The following KIAA1217 variants were observed in gnomAD, a reference collection of about 807,000 sequenced individuals.
KIAA1217 encodes the protein KIAA1217, also known as sickle tail protein homolog.
KIAA1217 carries 88 observed loss-of-function variants against 163.9 expected under a neutral mutation model. That is an observed-to-expected ratio of 0.54 (90% CI 0.45 to 0.64). KIAA1217 has a LOEUF of 0.64. KIAA1217 is among the 30% of genes least tolerant of loss of function. The probability of loss-of-function intolerance (pLI) is 0.00; values close to 1 mark genes in which losing one functional copy is unlikely to be tolerated. For synonymous variants in KIAA1217, 903 were observed against 923.1 expected, an observed-to-expected ratio of 0.98 and a Z score of 0.39; for missense variants, 2,372 against 2,475.0, an observed-to-expected ratio of 0.96 and a Z score of 0.88.
At chr10:24,042,696 T>A (rs540716754) in intron 2 of KIAA1217, among the ~76,000 whole-genome samples, 2 of 152,342 alleles carry the variant, frequency 1.3e-5, no homozygotes, top group Admixed American at 1.3e-4. Flanking sequence ...GATAGAACTT[T>A]CTGTCATTAA....
chr10:23,853,991 G>A (rs1306891509), intron 1 of KIAA1217, among the ~76,000 whole-genome samples: 2 of 151,896 alleles, frequency 1.3e-5, no homozygotes, highest in East Asian at 3.9e-4. Flanking sequence ...ATTTTTTGAA[G>A]GATTTTTGTG....
At chr10:24,325,387 G>A (rs2044735247) in intron 2 of KIAA1217, among the ~76,000 whole-genome samples, 1 of 152,054 alleles carries the variant, frequency 6.6e-6, no homozygotes, top group Non-Finnish European at 1.5e-5. Context: ...ATGGAAGCAG[G>A]ATGAAATGAG....
intron 1 of KIAA1217, among the ~76,000 whole-genome samples, chr10:23,874,341 C>G (rs1840589084): frequency 6.6e-6 from 1 of 151,980 alleles, no homozygotes; most frequent in South Asian, 2.1e-4. Context: ...TTCTCTCTTT[C>G]AGATGTCATG....
intron 2 of KIAA1217, among the ~76,000 whole-genome samples, chr10:24,340,749 G>A (rs751978465): frequency 2.8e-4 from 43 of 152,270 alleles, no homozygotes; most frequent in South Asian, 8.3e-4. Context: ...AGAAAGAACC[G>A]TCTAGACAGC....
At chr10:24,216,685 G>A (rs1310620247) in intron 1 of KIAA1217, among the ~76,000 whole-genome samples, 1 of 151,364 alleles carries the variant, frequency 6.6e-6, no homozygotes, top group Non-Finnish European at 1.5e-5. Flanking sequence ...AAATTAGCCG[G>A]GCATGGTTGC....
chr10:23,959,570 C>G (rs540817834), intron 1 of KIAA1217, among the ~76,000 whole-genome samples: 4 of 152,152 alleles, frequency 2.6e-5, no homozygotes, highest in Non-Finnish European at 4.4e-5. Context: ...AAAACACACA[C>G]ATTTATTTAT....
chr10:24,430,639 T>C (rs1591861117), intron 3 of KIAA1217, among the ~76,000 whole-genome samples: 1 of 152,142 alleles, frequency 6.6e-6, no homozygotes, highest in African/African-American at 2.4e-5. Context: ...CTGGAGGTGA[T>C]GAGTGACAGT....
At chr10:24,170,355 G>A (rs2065568557) in intron 2 of KIAA1217, among the ~76,000 whole-genome samples, 1 of 152,180 alleles carries the variant, frequency 6.6e-6, no homozygotes, top group Admixed American at 6.5e-5. Flanking sequence ...TCTTTTTCAA[G>A]TATCTCCGTT....
Position 24,337,628 on chromosome 10 carries a change from TTCTTTTCTTTTCTTTTCTTTTC to T in KIAA1217, c.355-43239_355-43218del, listed in dbSNP as rs1415655907. Among the ~76,000 whole-genome samples, 13 of 56,770 alleles carry T rather than the reference TTCTTTTCTTTTCTTTTCTTTTC, an allele frequency of 2.3e-4. 1 individual carries two copies. Among genetic ancestry groups the T allele is most frequent in the Middle Eastern group, 6.0e-3 (1 of 168 alleles). The allele number at this position is 56,770 out of a possible 152,430, so 37.2% of individuals were successfully genotyped here. On this transcript the variant is annotated intron_variant, in intron 2 of 20. Coordinates refer to ENST00000376454, the MANE Select transcript of KIAA1217 (RefSeq NM_019590.5). ...TTCTTTTCTTTTCTTTTCTTTTCTT[TTCTTTTCTTTTCTTTTCTTTTC>T]TTTTTTTTTTTTGAGACGAGTCTCA...
chr10:23,743,266 C>T (rs536341989), intron 1 of KIAA1217, among the ~76,000 whole-genome samples: 12 of 151,502 alleles, frequency 7.9e-5, no homozygotes, highest in Non-Finnish European at 1.0e-4. Flanking sequence ...TCAGTGTTTA[C>T]GGTAGTTCTT....
upstream of KIAA1217, chr10:24,208,901 A>C: frequency 2.8e-5 from 7 of 249,588 alleles, no homozygotes; most frequent in Non-Finnish European, 4.7e-5. Context: ...CTGCCCTGGC[A>C]GAGCCCAGCC....
chr10:23,754,144 A>C (rs1468103028), intron 1 of KIAA1217, among the ~76,000 whole-genome samples: 1 of 152,226 alleles, frequency 6.6e-6, no homozygotes, highest in African/African-American at 2.4e-5. Flanking sequence ...AGAATATAGT[A>C]CAGTGCCTGA....
At chr10:23,721,460 A>G (rs1837869974) in intron 1 of KIAA1217, among the ~76,000 whole-genome samples, 1 of 152,142 alleles carries the variant, frequency 6.6e-6, no homozygotes, top group African/African-American at 2.4e-5. Context: ...ACTGTTATAA[A>G]TACTCATAGC....
rs143064021 is a variant in KIAA1217, at chr10:24,075,284, A to G, written c.-171+67910A>G. On this transcript the variant is annotated intron_variant, in intron 2 of 18. Coordinates refer to the KIAA1217 transcript ENST00000376462. ...CCTGAAAGACGTATCATTCCAAATT[A>G]TAATTGGTTTTCTATGCCTTGTATG... Among the ~76,000 whole-genome samples the G allele has an allele frequency of 3.7e-3, 559 of 152,214 alleles. 3 individuals are homozygous for G. Among genetic ancestry groups the G allele is most frequent in the African/African-American group, 0.012 (513 of 41,550 alleles).
intron 1 of KIAA1217, among the ~76,000 whole-genome samples, chr10:24,003,558 C>A (rs1846850868): frequency 6.6e-6 from 1 of 152,140 alleles, no homozygotes; most frequent in African/African-American, 2.4e-5. Context: ...TACTTTCTTG[C>A]ATTTCTATCT....
rs139859240 is a variant in KIAA1217 at position 24,153,081 on chromosome 10, C to T, written c.-170-66545C>T. 1.5e-3 allele frequency among the ~76,000 whole-genome samples: 234 copies of T among 152,326 alleles called. 2 individuals are homozygous for T. Among genetic ancestry groups the T allele is most frequent in the Admixed American group, 0.013 (197 of 15,298 alleles). ...ATCCTACTGTCAAATTCATGAACTA[C>T]TAGCCTTAGGTCAGTTTGCCCATCA... is the stretch of plus-strand genomic sequence containing the variant. On this transcript the variant is annotated intron_variant, in intron 2 of 18. Coordinates refer to the KIAA1217 transcript ENST00000376462.
intron 2 of KIAA1217, among the ~76,000 whole-genome samples, chr10:24,321,055 A>C (rs1002693092): frequency 1.4e-5 from 2 of 146,760 alleles, no homozygotes; most frequent in African/African-American, 2.4e-5. Context: ...TCAAAAAAAA[A>C]ACAAAAAAAA....
At chr10:24,367,477 TC>T (rs1281790767) in intron 2 of KIAA1217, among the ~76,000 whole-genome samples, 1 of 152,222 alleles carries the variant, frequency 6.6e-6, no homozygotes, top group African/African-American at 2.4e-5. Flanking sequence ...GATTGTGGAA[TC>T]AGCAGTAATG....
chr10:24,308,123 G>A (rs754904953), intron 2 of KIAA1217, among the ~76,000 whole-genome samples: 3 of 152,114 alleles, frequency 2.0e-5, no homozygotes, highest in Non-Finnish European at 2.9e-5. Context: ...AGGTACCATG[G>A]TACCCACTCT....
Sources: gnomAD v4.1 joint callset for allele counts (sites outside exome capture counted in the v4.1 genomes callset) on GRCh38, gnomAD v4.1.1 for gene constraint, MANE v1.5 for transcripts, NCBI Gene and HGNC (gene_info 2026-07-23, HGNC 2026-07-21) for gene names.